Variants in SCAMP1 observed in about 807,000 individuals in gnomAD.
The protein encoded by SCAMP1 is secretory carrier membrane protein 1.
In SCAMP1, 15 loss-of-function variants were observed where a neutral mutation model predicts 41.8. The observed-to-expected ratio is 0.36, with a 90% CI of 0.24 to 0.55. The LOEUF (loss-of-function observed/expected upper bound fraction) is 0.55, where lower values mean the gene tolerates loss of function less well. SCAMP1 is among the 20% of genes least tolerant of loss of function. SCAMP1 has a pLI of 0.86. For synonymous variants in SCAMP1, 135 were observed against 136.8 expected (o/e 0.99, Z 0.09); for missense variants, 341 against 412.6 (o/e 0.83, Z 1.50).
At chr5:78,450,739 G>C (rs1412891234) in intron 7 of SCAMP1, among the ~76,000 whole-genome samples, 1 of 152,138 alleles carries the variant, frequency 6.6e-6, no homozygotes, top group African/African-American at 2.4e-5. Context: ...TTACATGTCA[G>C]AAGAATGTGT....
intron 2 of SCAMP1, among the ~76,000 whole-genome samples, chr5:78,413,028 A>G (rs932866360): frequency 2.0e-5 from 3 of 152,224 alleles, no homozygotes; most frequent in African/African-American, 7.2e-5. Flanking sequence ...AGCTCAAGAA[A>G]TATTCATAAA....
At position 78,423,914 on chromosome 5, in the gene SCAMP1, G is replaced by A. The variant is rs188138157; in HGVS notation, c.632+1954G>A. 4.5e-4 allele frequency among the ~76,000 whole-genome samples: 67 copies of A among 150,528 alleles called. 1 individual carries two copies. Among genetic ancestry groups the A allele is most frequent in the African/African-American group, 1.6e-3 (65 of 40,836 alleles). On this transcript the variant is annotated intron_variant, in intron 6 of 8. Coordinates refer to ENST00000621999, the MANE Select transcript of SCAMP1 (RefSeq NM_004866.6). ...GGCTGGAGTGCAATGGCTTGATCTC[G>A]GTTCACTGCAACCTCTGCCTCCTGG...
At chr5:78,441,642 C>T (rs1047708952) in intron 6 of SCAMP1, among the ~76,000 whole-genome samples, 4 of 152,060 alleles carry the variant, frequency 2.6e-5, no homozygotes, top group South Asian at 4.1e-4. Context: ...GGCAAAACCC[C>T]GTCTCTACTA....
At chr5:78,413,333 T>A (rs1460546236) in intron 2 of SCAMP1, among the ~76,000 whole-genome samples, 1 of 152,166 alleles carries the variant, frequency 6.6e-6, no homozygotes, top group African/African-American at 2.4e-5. Context: ...ACACTCTTAA[T>A]TACTGTGGTT....
chr5:78,436,898 G>A (rs144690439), intron 6 of SCAMP1, among the ~76,000 whole-genome samples: 2,332 of 152,048 alleles, frequency 0.015, 56 homozygotes, highest in African/African-American at 0.054. Context: ...CTTTTATTTC[G>A]TTGAGCAGTG....
chr5:78,476,538 G>C lies in SCAMP1; in HGVS notation c.*870G>C, dbSNP rs576416228. 234 of 152,562 alleles carry C rather than the reference G, an allele frequency of 1.5e-3. 1 individual carries two copies. The highest frequency in any genetic ancestry group is 5.0e-3 in the African/African-American group (208 of 41,522). The allele number at this position is 152,562 out of a possible 1,614,324, so 9.5% of individuals were successfully genotyped here. ...AACATTTTGCTATATGAAAACTTTG[G>C]TATATTCTGTGGTTACAACTAAGAT... On this transcript the variant is annotated 3_prime_UTR_variant, in exon 9 of 9. Coordinates refer to ENST00000621999, the MANE Select transcript of SCAMP1 (RefSeq NM_004866.6).
intron 6 of SCAMP1, among the ~76,000 whole-genome samples, chr5:78,430,248 T>G (rs1346845634): frequency 7.2e-6 from 1 of 139,718 alleles, no homozygotes; most frequent in Non-Finnish European, 1.5e-5. Context: ...TATTTATTTA[T>G]AAATACAGTA....
intron 1 of SCAMP1, among the ~76,000 whole-genome samples, chr5:78,376,474 G>A (rs1028222315): frequency 7.2e-5 from 11 of 152,128 alleles, no homozygotes; most frequent in Admixed American, 2.6e-4. Context: ...TGTGATAAAC[G>A]AATGTCATTT....
At chr5:78,365,229 CT>C (rs1668068749) in intron 1 of SCAMP1, among the ~76,000 whole-genome samples, 1 of 152,038 alleles carries the variant, frequency 6.6e-6, no homozygotes, top group Non-Finnish European at 1.5e-5. Flanking sequence ...AATCCCAGCA[CT>C]TTGGGAGGCT....
At chr5:78,385,523 G>A (rs892505474) in intron 1 of SCAMP1, among the ~76,000 whole-genome samples, 1 of 151,964 alleles carries the variant, frequency 6.6e-6, no homozygotes, top group African/African-American at 2.4e-5. Context: ...CTAGTTCCTT[G>A]AGGTGTGACC....
At chr5:78,415,844 ATCATC>A (rs1752196660) in intron 3 of SCAMP1, among the ~76,000 whole-genome samples, 1 of 152,170 alleles carries the variant, frequency 6.6e-6, no homozygotes, top group Admixed American at 6.6e-5. Flanking sequence ...GAATTTATGT[ATCATC>A]TCAGTGGATA....
intron 8 of SCAMP1, among the ~76,000 whole-genome samples, chr5:78,465,982 A>G (rs1300116415): frequency 1.3e-5 from 2 of 152,382 alleles, no homozygotes; most frequent in East Asian, 3.9e-4. Flanking sequence ...ATACCTTCAC[A>G]GCGGCACCTA....
chr5:78,454,283 A>G (rs1161151787), intron 7 of SCAMP1, among the ~76,000 whole-genome samples: 1 of 152,176 alleles, frequency 6.6e-6, no homozygotes, highest in Admixed American at 6.5e-5. Flanking sequence ...GAATGCTTCC[A>G]GTTCTTACCC....
At chr5:78,379,568 A>C (rs1017816195) in intron 1 of SCAMP1, among the ~76,000 whole-genome samples, 10 of 152,212 alleles carry the variant, frequency 6.6e-5, no homozygotes, top group Non-Finnish European at 1.5e-4. Context: ...TTGCCTGTTA[A>C]CTTCTAGCCA....
At chr5:78,458,721 G>A (rs1484978513) in intron 7 of SCAMP1, among the ~76,000 whole-genome samples, 1 of 151,944 alleles carries the variant, frequency 6.6e-6, no homozygotes, top group Non-Finnish European at 1.5e-5. Flanking sequence ...CTCTACTAAA[G>A]ATACAAAAAG....
intron 6 of SCAMP1, among the ~76,000 whole-genome samples, chr5:78,445,585 C>T (rs926259847): frequency 1.1e-4 from 17 of 151,982 alleles, no homozygotes; most frequent in Non-Finnish European, 1.8e-4. Flanking sequence ...TCTTCCTGCA[C>T]GCAAGACCCA....
Position 78,360,634 on chromosome 5 carries a change from G to A in SCAMP1, c.-38G>A. ...GCGGCCTCGCCTCGTCTCTCTCTCT[G>A]CGCCTGGGTCGGGTGGGTGACGCCG... On this transcript the variant is annotated 5_prime_UTR_variant, in exon 1 of 9. Transcript: ENST00000621999. 1 of 1,589,274 alleles carries A rather than the reference G, an allele frequency of 6.3e-7. No individual in the cohort carries two copies. The highest frequency in any genetic ancestry group is 8.6e-7 in the Non-Finnish European group (1 of 1,168,596).
intron 1 of SCAMP1, among the ~76,000 whole-genome samples, chr5:78,381,782 G>A (rs1238763854): frequency 6.6e-6 from 1 of 152,136 alleles, no homozygotes; most frequent in African/African-American, 2.4e-5. Flanking sequence ...TCAGTAGGTT[G>A]TTTCATTTGG....
chr5:78,366,377 C>T (rs1750796480), intron 1 of SCAMP1, among the ~76,000 whole-genome samples: 1 of 152,108 alleles, frequency 6.6e-6, no homozygotes, highest in African/African-American at 2.4e-5. Flanking sequence ...CTCTTGGCCT[C>T]AAGTGATCCA....
Sources: allele counts gnomAD v4.1 joint callset (sites outside exome capture counted in the v4.1 genomes callset), GRCh38; gene constraint gnomAD v4.1.1; transcripts MANE v1.5; gene names NCBI Gene and HGNC (gene_info 2026-07-23, HGNC 2026-07-21).